PHF8: variants seen among roughly 807,000 people sequenced by gnomAD.
The protein encoded by PHF8 is histone lysine demethylase PHF8.
Under a neutral mutation model 74.4 loss-of-function variants are expected in PHF8, and 9 were observed. That is an observed-to-expected ratio of 0.12 (90% confidence interval 0.07 to 0.21). The LOEUF is 0.21. Among genes scored for constraint, PHF8 ranks in the 10% least tolerant of loss-of-function variants. The pLI is 1.00. For missense variants in PHF8, 478 were observed against 816.6 expected (o/e 0.59, Z 5.05); for synonymous variants, 311 against 316.6 (o/e 0.98, Z 0.19).
chrX:54,002,745 C>T lies in PHF8; in HGVS notation c.947-63G>A. 3 of 753,148 alleles carry T rather than the reference C, an allele frequency of 4.0e-6. No homozygotes were observed. The Admixed American group carries it at 6.9e-5, about 17-fold the overall frequency. 62.1% of individuals were successfully genotyped at this position (753,148 alleles called of 1,213,427 possible). A position where few individuals can be genotyped will look rare whatever the true frequency, so the allele number is the denominator to read the frequency against. On this transcript the variant is annotated intron_variant, in intron 8 of 21. Transcript: ENST00000338154. ...GCCTTTCTTCCTCTGATTATCTCCA[C>T]TACCTACTCATCTCAAACCCAACTC... is the stretch of plus-strand genomic sequence containing the variant.
intron 18 of PHF8, among the ~76,000 whole-genome samples, chrX:53,967,029 C>T (rs78114816): frequency 0.011 from 1,038 of 92,692 alleles, no homozygotes; most frequent in African/African-American, 0.03. Flanking sequence ...GGAGACCCTC[C>T]GCCCGGCAGC....
chrX:53,938,458 G>C lies in PHF8; in HGVS notation c.*700C>G. The C allele has an allele frequency of 1.3e-6, 1 of 779,685 alleles. No homozygotes were observed. Among genetic ancestry groups the C allele is most frequent in the Non-Finnish European group, 1.5e-6 (1 of 655,233 alleles). 64.3% of individuals were successfully genotyped at this position (779,685 alleles called of 1,213,427 possible). ...TCCTCCAACAGGCTACAAAACCGTG[G>C]TCAAAGGCTTGGGCATCTGACCTCT... is the stretch of plus-strand genomic sequence containing the variant. On this transcript the variant is annotated 3_prime_UTR_variant, in exon 22 of 22. Transcript: ENST00000338154.
At chrX:53,975,839 A>G (rs1358289851) in intron 18 of PHF8, among the ~76,000 whole-genome samples, 3 of 111,931 alleles carry the variant, frequency 2.7e-5, no homozygotes, top group Non-Finnish European at 5.6e-5. Flanking sequence ...AATTTACTGC[A>G]TATTTCAAAA....
rs145583226 is a variant in PHF8 at position 53,944,373 on chromosome X, T to G, written c.2540-130A>C. 527 of 493,815 alleles carry G rather than the reference T, an allele frequency of 1.1e-3. 5 individuals carry two copies. In the East Asian group the frequency reaches 0.019, roughly 18 times the overall value. 40.7% of individuals were successfully genotyped at this position (493,815 alleles called of 1,213,427 possible). ...GCTTCTAGCTTTTTATGAAGCCAGA[T>G]TTTGCTTGCCATCACATAAGAACCT... On this transcript the variant is annotated intron_variant, in intron 19 of 21. Transcript: ENST00000338154.
chrX:53,990,615 G>C lies in PHF8; in HGVS notation c.1730+2121C>G, dbSNP rs782554501. Among the ~76,000 whole-genome samples, 9 of 111,706 alleles carry C rather than the reference G, an allele frequency of 8.1e-5. No homozygotes were observed. In the East Asian group the frequency reaches 2.2e-3, roughly 28 times the overall value. On this transcript the variant is annotated intron_variant, in intron 14 of 21. Coordinates refer to ENST00000338154, the MANE Select transcript of PHF8 (RefSeq NM_015107.3). ...ACTGGATTCTCAAACCCCAAGAATA[G>C]CTCTGTTGCTTTCAGAATCTGCCCT...
chrX:53,972,318 T>C (rs2065304773), intron 18 of PHF8, among the ~76,000 whole-genome samples: 1 of 68,476 alleles, frequency 1.5e-5, no homozygotes, highest in African/African-American at 7.4e-5. Context: ...CAAGACGCTG[T>C]CTCAAAAAAA....
intron 18 of PHF8, among the ~76,000 whole-genome samples, chrX:53,964,697 C>T (rs1273757728): frequency 9.1e-6 from 1 of 110,004 alleles, no homozygotes; most frequent in Non-Finnish European, 1.9e-5. Context: ...GAAACTCTGT[C>T]TCTATTAAAA....
At position 53,957,980 on chromosome X, in the gene PHF8, G is replaced by A. The variant is rs151217076; in HGVS notation, c.2539+4864C>T. On this transcript the variant is annotated intron_variant, in intron 19 of 21. Coordinates refer to ENST00000338154, the MANE Select transcript of PHF8 (RefSeq NM_015107.3). ...CATACATTTCATAAACAAGCACTGC[G>A]GATGGAAGTGTAAATTGGTACAACT... 1.6e-4 allele frequency among the ~76,000 whole-genome samples: 18 copies of A among 111,463 alleles called. No homozygotes were observed. The East Asian group carries it at 4.7e-3, about 29-fold the overall frequency.
rs371033930 is a variant in PHF8, at chrX:54,022,279, G to C, written c.273C>G (p.Leu91=). ...KTGSPTFVRE[L]RSRTFDSSDE... is the part of the protein sequence containing the mutation. ...CTCACCTGTCAAAAGTCCTACTCCG[G>C]AGCTCTCTGACGAACGTAGGGCTCC... is the stretch of plus-strand genomic sequence containing the variant. The change falls in exon 4 of 22, where the codon CTC becomes CTG. Residue 91 remains leucine (L), a synonymous_variant. Transcript: ENST00000338154. The C allele has an allele frequency of 8.4e-7, 1 of 1,187,462 alleles. No individual in the cohort carries two copies. The highest frequency in any genetic ancestry group is 1.1e-6 in the Non-Finnish European group (1 of 873,376).
At chrX:54,042,560 G>C in intron 2 of PHF8, 71 bp downstream of exon 2, 1 of 932,691 alleles carries the variant, frequency 1.1e-6, no homozygotes, top group Admixed American at 2.5e-5. Context: ...AAACAGAGCT[G>C]AGAAAGGAAG....
At chrX:53,942,894 G>A in intron 20 of PHF8, 3 of 753,330 alleles carry the variant, frequency 4.0e-6, no homozygotes, top group Non-Finnish European at 4.7e-6. Context: ...TGCATGAGGG[G>A]CTGGAAGGAG....
chrX:53,952,756 G>A (rs782113923), intron 19 of PHF8, among the ~76,000 whole-genome samples: 3 of 108,305 alleles, frequency 2.8e-5, no homozygotes, highest in East Asian at 5.9e-4. Flanking sequence ...GGTGGCAGGC[G>A]CCTGTAGTCC....
chrX:54,010,083 G>GC (rs1427012708), intron 8 of PHF8, among the ~76,000 whole-genome samples: 1 of 109,630 alleles, frequency 9.1e-6, no homozygotes. Flanking sequence ...GGAGACTGAG[G>GC]CGGGTGGATC....
intron 19 of PHF8, among the ~76,000 whole-genome samples, chrX:53,960,410 T>C (rs2065085121): frequency 9.2e-6 from 1 of 109,046 alleles, no homozygotes; most frequent in Non-Finnish European, 1.9e-5. Context: ...CTACACCCAC[T>C]ACTTTGATCA....
intron 1 of PHF8, 192 bp from the exon 2 acceptor site, chrX:54,043,012 T>G: frequency 2.1e-6 from 1 of 480,155 alleles, no homozygotes; most frequent in Non-Finnish European, 3.1e-6. Flanking sequence ...AGCTCAACCT[T>G]CCAGGCTTCC....
At chrX:53,958,670 G>C (rs1157890999) in intron 19 of PHF8, among the ~76,000 whole-genome samples, 1 of 105,038 alleles carries the variant, frequency 9.5e-6, no homozygotes, top group Non-Finnish European at 1.9e-5. Flanking sequence ...CAGCTACTCG[G>C]GAGGCTGAGG....
At chrX:53,944,955 G>A (rs1557084709) in intron 19 of PHF8, among the ~76,000 whole-genome samples, 1 of 111,727 alleles carries the variant, frequency 9.0e-6, no homozygotes, top group Admixed American at 9.5e-5. Flanking sequence ...CTGAGAGGCA[G>A]AGGTTGCAGT....
At chrX:53,969,560 T>C (rs1402076078) in intron 18 of PHF8, among the ~76,000 whole-genome samples, 2 of 112,042 alleles carry the variant, frequency 1.8e-5, no homozygotes, top group African/African-American at 6.5e-5. Flanking sequence ...AAACGATCTA[T>C]AGATTCCATG....
At chrX:54,042,932 G>A (rs1041136012) in intron 1 of PHF8, 112 bp from the exon 2 acceptor site, 1 of 629,179 alleles carries the variant, frequency 1.6e-6, no homozygotes, top group Non-Finnish European at 2.3e-6. Flanking sequence ...AACACAGCTG[G>A]TGCGGCTGTA....
Sources: allele counts gnomAD v4.1 joint callset (sites outside exome capture counted in the v4.1 genomes callset), GRCh38; gene constraint gnomAD v4.1.1; transcripts MANE v1.5; gene names NCBI Gene and HGNC (gene_info 2026-07-23, HGNC 2026-07-21).